VAV2: variants seen among roughly 807,000 people sequenced by gnomAD.
VAV2 encodes the protein vav guanine nucleotide exchange factor 2.
A neutral mutation model predicts 132.5 loss-of-function variants in VAV2; 67 were observed. The observed-to-expected ratio is 0.51, with a 90% CI of 0.42 to 0.62. VAV2 has a LOEUF of 0.62. VAV2 is among the 20% of genes least tolerant of loss of function. The pLI is 0.00. For synonymous variants in VAV2, 492 were observed against 443.5 expected (o/e 1.11, Z -1.37); for missense variants, 938 against 1,153.6 (o/e 0.81, Z 2.71).
At chr9:133,876,171 AG>A (rs1316196674) in intron 2 of VAV2, among the ~76,000 whole-genome samples, 4 of 152,218 alleles carry the variant, frequency 2.6e-5, no homozygotes, top group Admixed American at 2.6e-4. Flanking sequence ...CTCAGCCCCC[AG>A]GATCGTGTGA....
chr9:133,861,503 G>A (rs1837595038), intron 2 of VAV2, 71 bp from the exon 3 acceptor site: 6 of 1,562,150 alleles, frequency 3.8e-6, no homozygotes, highest in Admixed American at 1.8e-5. Context: ...AACTGGGGAC[G>A]CTGCTTTGCA....
chr9:133,954,922 G>A (rs1239499753), intron 1 of VAV2, among the ~76,000 whole-genome samples: 1 of 152,154 alleles, frequency 6.6e-6, no homozygotes, highest in Non-Finnish European at 1.5e-5. Flanking sequence ...CAGGTGGAGG[G>A]TAAGATGTAA....
chr9:133,789,743 C>T (rs749379733), intron 13 of VAV2, among the ~76,000 whole-genome samples: 2 of 143,496 alleles, frequency 1.4e-5, no homozygotes, highest in Non-Finnish European at 3.1e-5. Context: ...TGCTGCAGGG[C>T]GGGTGGGGCC....
chr9:133,854,176 C>A lies in VAV2; in HGVS notation c.380+7198G>T, dbSNP rs1329425129. ...ACACACATCTGCATATGCACACACACCCCATGTACCTGCACACACACAAAT... is the reference window on the plus strand; with the variant it reads ...ACACACATCTGCATATGCACACACAACCCATGTACCTGCACACACACAAAT... On this transcript the variant is annotated intron_variant, in intron 3 of 29. Transcript: ENST00000371850. Among the ~76,000 whole-genome samples the A allele has an allele frequency of 2.0e-5, 3 of 150,098 alleles. No homozygotes were observed. The East Asian group carries it at 5.9e-4, about 29-fold the overall frequency.
chr9:133,785,997 T>C, intron 16 of VAV2, 112 bp from the exon 17 acceptor site: 2 of 887,092 alleles, frequency 2.3e-6, no homozygotes, highest in Non-Finnish European at 3.5e-6. Flanking sequence ...TATGCATATG[T>C]GCACAGGTGC....
chr9:133,964,025 A>ATG lies in VAV2; in HGVS notation c.205-24807_205-24806insCA, dbSNP rs200202871. ...ACTTTAAAAAAAATTATTCATTCAT[A>ATG]TATATATATATATATATATATATAC... On this transcript the variant is annotated intron_variant, in intron 1 of 29. Transcript: ENST00000371850. Among the ~76,000 whole-genome samples, 128 of 42,666 alleles carry ATG rather than the reference A, an allele frequency of 3.0e-3. 3 individuals carry two copies. The highest frequency in any genetic ancestry group is 3.7e-3 in the Non-Finnish European group (93 of 25,428). 28.0% of individuals were successfully genotyped at this position (42,666 alleles called of 152,430 possible).
chr9:133,915,983 G>T (rs912332922), intron 2 of VAV2, among the ~76,000 whole-genome samples: 1 of 149,682 alleles, frequency 6.7e-6, no homozygotes, highest in Non-Finnish European at 1.5e-5. Flanking sequence ...ACACTCACAC[G>T]ATGCACACAT....
At chr9:133,946,652 C>T (rs1185521671) in intron 1 of VAV2, among the ~76,000 whole-genome samples, 1 of 152,244 alleles carries the variant, frequency 6.6e-6, no homozygotes, top group African/African-American at 2.4e-5. Flanking sequence ...CTCCCTGGGG[C>T]CACAATGCTG....
rs772901761 is a variant in VAV2 at position 133,797,713 on chromosome 9, G to A, written c.933C>T (p.Val311=). 1.1e-5 allele frequency: 17 copies of A among 1,613,714 alleles called. No homozygotes were observed. The highest frequency in any genetic ancestry group is 2.2e-5 in the East Asian group (1 of 44,880). Residue 311 remains valine (V), a synonymous_variant, in exon 10 of 30, where the codon GTC becomes GTT. Transcript: ENST00000371850. ...LASREDFRQK[V]EECTLKVQDG... ...GCCAACGCCTGGCAGGACTTACCTC[G>A]ACTTTCTGCCTGAAGTCCTCCCGGC...
chr9:133,809,831 A>T (rs1375392997), intron 6 of VAV2, among the ~76,000 whole-genome samples: 1 of 152,096 alleles, frequency 6.6e-6, no homozygotes, highest in Non-Finnish European at 1.5e-5. Context: ...TTTTCCCAAC[A>T]CTGTCTTTAA....
chr9:133,847,932 G>C (rs902383511), intron 3 of VAV2, among the ~76,000 whole-genome samples: 30 of 152,176 alleles, frequency 2.0e-4, no homozygotes, highest in African/African-American at 6.0e-4. Context: ...GGGAGGGAAA[G>C]AAGCAAGTCC....
chr9:133,784,328 T>C lies in VAV2; in HGVS notation c.1623A>G (p.Lys541=), dbSNP rs1423174785. 6.2e-7 allele frequency: 1 copy of C among 1,614,110 alleles called. No individual in the cohort carries two copies. The highest frequency in any genetic ancestry group is 1.7e-5 in the Admixed American group (1 of 60,034). Residue 541 remains lysine, a synonymous_variant, in exon 18 of 30, where the codon AAA becomes AAG. Coordinates refer to ENST00000371850, the MANE Select transcript of VAV2 (RefSeq NM_001134398.2). The part of the protein sequence containing the change: ...FDKTTNCKAC[K]MFLRGTFYQG... The stretch of plus-strand genomic sequence containing the variant: ...GGGGTTTCCCACACCTGAGGAACAT[T>C]TTGCAGGCTTTGCAGTTGGTGGTCT...
intron 8 of VAV2, 71 bp downstream of exon 8, chr9:133,807,187 C>G: frequency 6.5e-7 from 1 of 1,530,812 alleles, no homozygotes; most frequent in Non-Finnish European, 8.8e-7. Context: ...CTGAGGACAG[C>G]AGGACATGTG....
At chr9:133,902,617 G>A (rs1436270539) in intron 2 of VAV2, among the ~76,000 whole-genome samples, 6 of 152,184 alleles carry the variant, frequency 3.9e-5, no homozygotes, top group African/African-American at 1.4e-4. Flanking sequence ...ATGAGGGAGT[G>A]TTTCGGGTTG....
At chr9:133,886,972 G>A (rs1240272327) in intron 2 of VAV2, among the ~76,000 whole-genome samples, 1 of 152,214 alleles carries the variant, frequency 6.6e-6, no homozygotes, top group Non-Finnish European at 1.5e-5. Context: ...AGTCCCATGG[G>A]GGAGGGAAGC....
intron 9 of VAV2, among the ~76,000 whole-genome samples, chr9:133,803,078 T>C (rs1834998582): frequency 6.6e-6 from 1 of 152,074 alleles, no homozygotes; most frequent in African/African-American, 2.4e-5. Context: ...CACCCAGCCT[T>C]GGGCTTCGGG....
intron 2 of VAV2, among the ~76,000 whole-genome samples, chr9:133,896,230 G>A (rs796352657): frequency 3.9e-5 from 6 of 152,302 alleles, no homozygotes; most frequent in African/African-American, 7.2e-5. Flanking sequence ...CGAGGCATGC[G>A]GATCACTTGA....
Position 133,935,966 on chromosome 9 carries a change from C to T in VAV2, c.321+3137G>A, listed in dbSNP as rs577093447. Among the ~76,000 whole-genome samples the T allele has an allele frequency of 2.2e-4, 34 of 152,366 alleles. No homozygotes were observed. The highest frequency in any genetic ancestry group is 7.9e-4 in the African/African-American group (33 of 41,590). Reference sequence around the variant, plus strand: ...GGGCTCCAGGAGGCAAAGGGCATGGCTCAGATGCGGAGACCAGAAGCAGCA... The same window carrying T: ...GGGCTCCAGGAGGCAAAGGGCATGGTTCAGATGCGGAGACCAGAAGCAGCA... On this transcript the variant is annotated intron_variant, in intron 2 of 29. Transcript: ENST00000371850. The surrounding 1 kb of genome is among the most constrained non-coding windows in gnomAD (Gnocchi z 5.2).
chr9:133,796,358 C>T lies in VAV2; in HGVS notation c.1032+71G>A, dbSNP rs1588187238. 5 of 1,384,268 alleles carry T rather than the reference C, an allele frequency of 3.6e-6. No individual in the cohort carries two copies. In the East Asian group the frequency reaches 9.6e-5, roughly 27 times the overall value. 85.7% of individuals were successfully genotyped at this position (1,384,268 alleles called of 1,614,324 possible). A position where few individuals can be genotyped will look rare whatever the true frequency, so the allele number is the denominator to read the frequency against. ...GTCTGTGGGCTGCAACCTATACCCC[C>T]TGGAAGCTGCCAGCCCTCATCTGAC... is the stretch of plus-strand genomic sequence containing the variant. On this transcript the variant is annotated intron_variant, in intron 11 of 29. Coordinates refer to ENST00000371850, the MANE Select transcript of VAV2 (RefSeq NM_001134398.2).
Sources: allele counts gnomAD v4.1 joint callset (sites outside exome capture counted in the v4.1 genomes callset), GRCh38; gene constraint gnomAD v4.1.1; non-coding constraint Gnocchi (gnomAD v3.1); transcripts MANE v1.5; gene names NCBI Gene and HGNC (gene_info 2026-07-23, HGNC 2026-07-21).